Variants in MYO15B observed in about 807,000 individuals in gnomAD.
MYO15B encodes myosin XVB.
MYO15B carries 207 observed loss-of-function variants against 119.3 expected under a neutral mutation model. The observed-to-expected ratio is 1.73, with a 90% CI of 1.55 to 1.95. MYO15B has a LOEUF of 1.95. Ranked by LOEUF, MYO15B falls within the 30% of genes most tolerant of loss-of-function variation. MYO15B has a pLI of 0.00. For missense variants in MYO15B, 2,264 were observed against 1,203.1 expected (o/e 1.88, Z -13.04); for synonymous variants, 966 against 498.9 (o/e 1.94, Z -12.48).
intron 31 of MYO15B, 27 bp downstream of exon 31, chr17:75,614,710 T>C: frequency 1.4e-6 from 1 of 702,332 alleles, no homozygotes; most frequent in Non-Finnish European, 2.6e-6. Context: ...CACATGGAGG[T>C]TGGCAGAGCA....
chr17:75,619,570 G>A, intron 45 of MYO15B, 94 bp downstream of exon 45: 1 of 683,116 alleles, frequency 1.5e-6, no homozygotes. Context: ...GAGCCGGGGA[G>A]CAGACGCCAG....
rs1301978874 is a variant in MYO15B at position 75,614,948 on chromosome 17, A to G, written c.5560-13A>G. 2 of 702,902 alleles carry G rather than the reference A, an allele frequency of 2.8e-6. No homozygotes were observed. Among genetic ancestry groups the G allele is most frequent in the Non-Finnish European group, 2.6e-6 (1 of 385,000 alleles). The allele number at this position is 702,902 out of a possible 1,614,324, so 43.5% of individuals were successfully genotyped here. ...AGGGCTCTCACTCTGACCTGTGACC[A>G]TTGTCCCTTTAGGATCTGGAACAAA... On this transcript the variant is annotated splice_polypyrimidine_tract_variant and intron_variant, in intron 32 of 63. Transcript: ENST00000645453.
At chr17:75,617,153 G>A in exon 41 of MYO15B, 1 of 688,968 alleles carries the variant, frequency 1.5e-6, no homozygotes, top group Non-Finnish European at 2.7e-6. Context: ...CCCCGCTACA[G>A]CTTGGGCCCT....
Position 75,589,467 on chromosome 17 carries a change from TCACGAGAGAGGTGACGAGGGCCGGGAC to T in MYO15B, c.1414_1440del (p.Glu472_His480del), listed in dbSNP as rs1455053198. 2.0e-4 allele frequency: 73 copies of T among 368,452 alleles called. 1 individual carries two copies. The highest frequency in any genetic ancestry group is 1.4e-3 in the Admixed American group (28 of 20,048). The allele number at this position is 368,452 out of a possible 1,614,324, so 22.8% of individuals were successfully genotyped here. A position where few individuals can be genotyped will look rare whatever the true frequency, so the allele number is the denominator to read the frequency against. ...GCGGGAAAGCGGACGAGGGGCGGGG[TCACGAGAGAGGTGACGAGGGCCGGGAC>T]CACCAGAGAGGGTACGAGGGGTGGG... On this transcript the variant is annotated inframe_deletion, in exon 1 of 64. Transcript: ENST00000645453. The surrounding 1 kb of genome is among the most constrained non-coding windows in gnomAD (Gnocchi z 4.2).
At chr17:75,624,631 A>G in exon 58 of MYO15B, 1 of 702,794 alleles carries the variant, frequency 1.4e-6, no homozygotes, top group Non-Finnish European at 2.6e-6. Flanking sequence ...TTCCTCATCA[A>G]AGAGAAGAGT....
intron 43 of MYO15B, among the ~76,000 whole-genome samples, chr17:75,618,585 G>T (rs1248373512): frequency 6.6e-6 from 1 of 152,200 alleles, no homozygotes; most frequent in African/African-American, 2.4e-5. Flanking sequence ...GGAGGCAGAG[G>T]TTGTAGTGAG....
In MYO15B at chr17:75,606,762, C is replaced by T. The variant is rs564572996; in HGVS notation, c.4292+741C>T. Among the ~76,000 whole-genome samples the T allele has an allele frequency of 1.1e-4, 17 of 152,270 alleles. No homozygotes were observed. The East Asian group carries it at 2.9e-3, about 26-fold the overall frequency. ...TGCTGGGATTACAGGTGTGAGCCAC[C>T]GTGCCCAGCTACAGTCATCTTTTCA... On this transcript the variant is annotated intron_variant, in intron 21 of 63. Transcript: ENST00000645453.
intron 35 of MYO15B, 43 bp downstream of exon 35, chr17:75,615,643 G>GTC (rs3840050): frequency 0.23 from 153,280 of 672,952 alleles, 18,216 homozygotes; most frequent in Middle Eastern, 0.27. Context: ...TGGAGGAGAG[G>GTC]TCTGTGGCTC....
chr17:75,593,764 A>G (rs1007024213), intron 9 of MYO15B, among the ~76,000 whole-genome samples: 7 of 151,722 alleles, frequency 4.6e-5, no homozygotes, highest in Non-Finnish European at 8.8e-5. Flanking sequence ...TACTAAAAAT[A>G]CAAAATTAGC....
exon 15 of MYO15B, chr17:75,601,485 C>T (rs1227074459): frequency 1.4e-6 from 1 of 703,112 alleles, no homozygotes; most frequent in South Asian, 1.5e-5. Context: ...ACCATGGTGA[C>T]CACCCCAGCT....
intron 36 of MYO15B, 43 bp from the exon 37 acceptor site, chr17:75,616,026 C>T (rs1465717705): frequency 5.2e-6 from 3 of 581,296 alleles, no homozygotes; most frequent in Non-Finnish European, 6.1e-6. Context: ...GCGAGTGTGG[C>T]ACCCAGGCTG....
chr17:75,622,931 A>G (rs1273880297), intron 53 of MYO15B, among the ~76,000 whole-genome samples: 1 of 152,232 alleles, frequency 6.6e-6, no homozygotes, highest in Admixed American at 6.5e-5. Flanking sequence ...ATCAAATGGG[A>G]CCAGCTGAGG....
exon 9 of MYO15B, chr17:75,592,744 G>A: frequency 1.4e-6 from 1 of 702,726 alleles, no homozygotes; most frequent in Non-Finnish European, 2.6e-6. Context: ...TGAAGGCACT[G>A]CAGGGGCTCG....
intron 38 of MYO15B, 21 bp from the exon 39 acceptor site, chr17:75,616,503 T>C: frequency 1.4e-6 from 1 of 696,204 alleles, no homozygotes; most frequent in Non-Finnish European, 2.6e-6. Flanking sequence ...CGGTTAACAG[T>C]CTTTCCTGTT....
At position 75,616,980 on chromosome 17, in the gene MYO15B, C is replaced by G; in HGVS notation, c.6594+19C>G. On this transcript the variant is annotated intron_variant, in intron 40 of 63. Transcript: ENST00000645453. ...CCCGCCGGTGAGCACCCCAGCCTGT[C>G]TCCCCCAGAGTGTGTGCTGCTGCAC... The G allele has an allele frequency of 1.4e-6, 1 of 702,894 alleles. No individual in the cohort carries two copies. Among genetic ancestry groups the G allele is most frequent in the Non-Finnish European group, 2.6e-6 (1 of 384,982 alleles). The allele number at this position is 702,894 out of a possible 1,614,324, so 43.5% of individuals were successfully genotyped here.
chr17:75,623,081 C>T (rs1342878300), intron 53 of MYO15B, among the ~76,000 whole-genome samples: 1 of 152,270 alleles, frequency 6.6e-6, no homozygotes, highest in Non-Finnish European at 1.5e-5. Flanking sequence ...CCTGTAACCC[C>T]AGCACTTTGG....
chr17:75,612,709 T>G (rs778191871), intron 25 of MYO15B, 89 bp from the exon 26 acceptor site: 1 of 673,726 alleles, frequency 1.5e-6, no homozygotes, highest in Non-Finnish European at 2.7e-6. Context: ...CCAGCCCCTC[T>G]GCCTCTCCCG....
chr17:75,588,717 C>T, exon 1 of MYO15B: 1 of 398,768 alleles, frequency 2.5e-6, no homozygotes, highest in Non-Finnish European at 4.4e-6. Flanking sequence ...ATACCCGGGG[C>T]CGGGAAGGGT....
At chr17:75,613,231 G>T (rs1358022909) in intron 27 of MYO15B, 22 bp downstream of exon 27, 1 of 680,912 alleles carries the variant, frequency 1.5e-6, no homozygotes, top group Non-Finnish European at 2.7e-6. Context: ...GGGAGGTGGG[G>T]ACCTGGCAGG....
Sources: gnomAD v4.1 joint callset for allele counts (sites outside exome capture counted in the v4.1 genomes callset) on GRCh38, gnomAD v4.1.1 for gene constraint, Gnocchi (gnomAD v3.1) non-coding constraint, MANE v1.5 for transcripts, NCBI Gene and HGNC (gene_info 2026-07-23, HGNC 2026-07-21) for gene names.